Variants in ZFP64 observed in about 807,000 individuals in gnomAD.
ZFP64 encodes ZFP64 zinc finger protein.
In ZFP64, 14 loss-of-function variants were observed where a neutral mutation model predicts 51.6. The observed-to-expected ratio is 0.27, with a 90% CI of 0.18 to 0.42. ZFP64 has a LOEUF of 0.42. ZFP64 is among the 10% of genes least tolerant of loss of function. The probability of loss-of-function intolerance (pLI) is 1.00; values close to 1 mark genes in which losing one functional copy is unlikely to be tolerated. For synonymous variants in ZFP64, 375 were observed against 361.4 expected (o/e 1.04, Z -0.43); for missense variants, 754 against 906.8 (o/e 0.83, Z 2.16).
intron 5 of ZFP64, among the ~76,000 whole-genome samples, chr20:52,156,342 T>C (rs1011330360): frequency 1.3e-5 from 2 of 152,230 alleles, no homozygotes; most frequent in Admixed American, 6.5e-5. Flanking sequence ...TTTAGTAACT[T>C]GAAACAAGGA....
intron 6 of ZFP64, chr20:52,097,547 C>T (rs562155803): frequency 1.2e-4 from 119 of 965,998 alleles, no homozygotes; most frequent in Middle Eastern, 3.5e-4. Flanking sequence ...CTCCGCCTCC[C>T]GGGTTCAAGA....
Position 52,152,027 on chromosome 20 carries a change from A to T in ZFP64, c.*119T>A. On this transcript the variant is annotated 3_prime_UTR_variant, in exon 6 of 6. Coordinates refer to ENST00000216923, the MANE Select transcript of ZFP64 (RefSeq NM_018197.3). ...ACTCCAGCCTGGGAAACAGAGCGAGACTCCGTCTCAAAAACAAAACAAAAC... is the reference window on the plus strand; with the variant it reads ...ACTCCAGCCTGGGAAACAGAGCGAGTCTCCGTCTCAAAAACAAAACAAAAC... 1 of 1,452,422 alleles carries T rather than the reference A, an allele frequency of 6.9e-7. No individual in the cohort carries two copies. Among genetic ancestry groups the T allele is most frequent in the Non-Finnish European group, 9.1e-7 (1 of 1,104,724 alleles). 90.0% of individuals were successfully genotyped at this position (1,452,422 alleles called of 1,614,324 possible). A position where few individuals can be genotyped will look rare whatever the true frequency, so the allele number is the denominator to read the frequency against.
At position 52,121,174 on chromosome 20, in the gene ZFP64, C is replaced by A. The variant is rs79567844; in HGVS notation, c.764-22587G>T. Among the ~76,000 whole-genome samples the A allele has an allele frequency of 4.1e-3, 622 of 152,252 alleles. 5 individuals are homozygous for A. The highest frequency in any genetic ancestry group is 0.015 in the African/African-American group (606 of 41,552). ...ACATTGAAATTAGGCCAATTAATAA[C>A]CCCACAGTGACCTATAAGTGTTCAT... On this transcript the variant is annotated intron_variant, in intron 5 of 8. Coordinates refer to the ZFP64 transcript ENST00000361387.
intron 6 of ZFP64, chr20:52,097,442 A>G: frequency 1.3e-6 from 2 of 1,595,928 alleles, no homozygotes; most frequent in Non-Finnish European, 1.7e-6. Context: ...CAACCTAGAA[A>G]AGAAAAATAG....
chr20:52,157,369 C>T lies in ZFP64; in HGVS notation c.763+2754G>A, dbSNP rs191109118. 7.6e-4 allele frequency among the ~76,000 whole-genome samples: 115 copies of T among 152,300 alleles called. No homozygotes were observed. The Middle Eastern group carries it at 0.01, about 14-fold the overall frequency. Reference sequence around the variant, plus strand: ...CACACAGTTTTTAAAGACAGCTCTACCAGCAAAACTGTCACCAGCCTTACT... The same window carrying T: ...CACACAGTTTTTAAAGACAGCTCTATCAGCAAAACTGTCACCAGCCTTACT... On this transcript the variant is annotated intron_variant, in intron 5 of 5. Transcript: ENST00000216923.
intron 4 of ZFP64, among the ~76,000 whole-genome samples, chr20:52,163,420 A>C (rs1428329684): frequency 6.6e-6 from 1 of 152,238 alleles, no homozygotes; most frequent in African/African-American, 2.4e-5. Flanking sequence ...TCAATAATAA[A>C]TATGCTATGG....
chr20:52,112,721 C>CCT (rs933553427), intron 5 of ZFP64, among the ~76,000 whole-genome samples: 1 of 151,722 alleles, frequency 6.6e-6, no homozygotes, highest in Non-Finnish European at 1.5e-5. Context: ...CTCAAGAGAT[C>CCT]CTCCCATCTT....
intron 5 of ZFP64, among the ~76,000 whole-genome samples, chr20:52,103,750 G>A (rs771934358): frequency 9.2e-5 from 14 of 152,320 alleles, no homozygotes; most frequent in Non-Finnish European, 1.8e-4. Flanking sequence ...CCCAGGGGAC[G>A]GGATCCTGTA....
chr20:52,136,848 C>A (rs967262298), intron 5 of ZFP64, among the ~76,000 whole-genome samples: 1 of 152,096 alleles, frequency 6.6e-6, no homozygotes, highest in African/African-American at 2.4e-5. Context: ...CTCACTGCAA[C>A]CTCTGCCTCC....
chr20:52,099,078 A>C (rs989293748), intron 5 of ZFP64, among the ~76,000 whole-genome samples: 6 of 151,108 alleles, frequency 4.0e-5, no homozygotes, highest in Non-Finnish European at 2.9e-5. Flanking sequence ...TACGGTTTCC[A>C]AGAAGTACAG....
chr20:52,087,954 G>A (rs958792362), intron 8 of ZFP64, among the ~76,000 whole-genome samples: 16 of 113,062 alleles, frequency 1.4e-4, no homozygotes, highest in East Asian at 6.7e-4. Context: ...TCCATGCCAC[G>A]ATGAGTTGGT....
downstream of ZFP64, among the ~76,000 whole-genome samples, chr20:52,147,210 C>CT (rs199874420): frequency 3.3e-5 from 5 of 151,426 alleles, no homozygotes; most frequent in South Asian, 2.1e-4. Context: ...GTCTGTGTTT[C>CT]TTTTTTTTTG....
chr20:52,162,500 G>C (rs556192276), intron 4 of ZFP64, among the ~76,000 whole-genome samples: 3 of 150,746 alleles, frequency 2.0e-5, no homozygotes, highest in Non-Finnish European at 3.0e-5. Flanking sequence ...GGTGGCAGGC[G>C]CCTGTAGTCC....
intron 5 of ZFP64, among the ~76,000 whole-genome samples, chr20:52,135,670 G>A (rs1979934638): frequency 6.6e-6 from 1 of 151,666 alleles, no homozygotes; most frequent in Non-Finnish European, 1.5e-5. Flanking sequence ...GGTAATTTTT[G>A]TAGAGGCAGG....
intron 7 of ZFP64, among the ~76,000 whole-genome samples, chr20:52,096,515 A>G (rs1600696497): frequency 1.3e-5 from 2 of 152,368 alleles, no homozygotes; most frequent in East Asian, 3.9e-4. Context: ...GAACAAACCA[A>G]TATTCTCGCT....
intron 2 of ZFP64, among the ~76,000 whole-genome samples, chr20:52,184,143 G>A (rs947823949): frequency 6.6e-6 from 1 of 152,178 alleles, no homozygotes; most frequent in Non-Finnish European, 1.5e-5. Flanking sequence ...ACTGCGCCTG[G>A]CCCTGACGTC....
intron 5 of ZFP64, among the ~76,000 whole-genome samples, chr20:52,102,844 G>T (rs539270045): frequency 6.6e-6 from 1 of 152,320 alleles, no homozygotes; most frequent in East Asian, 1.9e-4. Flanking sequence ...ATATGTAAGA[G>T]AACCTCATGT....
intron 2 of ZFP64, among the ~76,000 whole-genome samples, chr20:52,172,205 G>T: frequency 6.9e-6 from 1 of 145,980 alleles, no homozygotes; most frequent in South Asian, 2.2e-4. Flanking sequence ...GTGTGTGTTG[G>T]TGTGTGTGTG....
chr20:52,084,291 T>G (rs1464593010), exon 9 of ZFP64: 1 of 492,002 alleles, frequency 2.0e-6, no homozygotes, highest in Non-Finnish European at 3.6e-6. Flanking sequence ...GAGCAGGGCT[T>G]GGCAGACCCC....
Sources: allele counts gnomAD v4.1 joint callset (sites outside exome capture counted in the v4.1 genomes callset), GRCh38; gene constraint gnomAD v4.1.1; transcripts MANE v1.5; gene names NCBI Gene and HGNC (gene_info 2026-07-23, HGNC 2026-07-21).